Variants in BAIAP2L1 observed in about 807,000 individuals in gnomAD.
BAIAP2L1 encodes the protein BAR/IMD domain containing adaptor protein 2 like 1, also known as BAR/IMD domain-containing adapter protein 2-like 1.
In BAIAP2L1, 35 loss-of-function variants were observed where a neutral mutation model predicts 66.3. That is an observed-to-expected ratio of 0.53 (90% CI 0.40 to 0.70). The LOEUF (loss-of-function observed/expected upper bound fraction) is 0.70. Among genes scored for constraint, BAIAP2L1 ranks in the 30% least tolerant of loss-of-function variants. The probability of loss-of-function intolerance (pLI) is 0.00; values close to 1 mark genes in which losing one functional copy is unlikely to be tolerated. For missense variants in BAIAP2L1, 622 were observed against 656.9 expected (o/e 0.95, Z 0.58); for synonymous variants, 269 against 248.7 (o/e 1.08, Z -0.77).
chr7:98,342,800 T>C (rs1464218479), intron 3 of BAIAP2L1, among the ~76,000 whole-genome samples: 1 of 152,154 alleles, frequency 6.6e-6, no homozygotes, highest in Admixed American at 6.6e-5. Flanking sequence ...CCCCTTACCA[T>C]TTCTGTTTTC....
chr7:98,393,123 G>GTA lies in BAIAP2L1; in HGVS notation c.51+7677_51+7678dup, dbSNP rs202175511. 9.6e-4 allele frequency among the ~76,000 whole-genome samples: 74 copies of GTA among 77,442 alleles called. 5 individuals carry two copies. The highest frequency in any genetic ancestry group is 4.9e-3 in the East Asian group (19 of 3,906). The allele number at this position is 77,442 out of a possible 152,430, so 50.8% of individuals were successfully genotyped here. ...CGTGTACATATATGTACACATATAT[G>GTA]TATATATACACACATATGTGTACAT... On this transcript the variant is annotated intron_variant, in intron 1 of 13. Coordinates refer to ENST00000005260, the MANE Select transcript of BAIAP2L1 (RefSeq NM_018842.5).
At chr7:98,310,295 C>T (rs936503367) in intron 9 of BAIAP2L1, 150 bp downstream of exon 9, 10 of 749,606 alleles carry the variant, frequency 1.3e-5, no homozygotes, top group South Asian at 2.0e-5. Context: ...TCTGAACTCA[C>T]GCTCTGCAAA....
chr7:98,354,514 C>G (rs147358794), intron 3 of BAIAP2L1, among the ~76,000 whole-genome samples: 1 of 152,274 alleles, frequency 6.6e-6, no homozygotes, highest in East Asian at 1.9e-4. Flanking sequence ...GTTCTATAAA[C>G]AGAAGCCCAG....
At chr7:98,368,805 A>T (rs13309825) in intron 1 of BAIAP2L1, among the ~76,000 whole-genome samples, 41 of 147,836 alleles carry the variant, frequency 2.8e-4, no homozygotes, top group Middle Eastern at 3.5e-3. Flanking sequence ...ATCACTTTTT[A>T]TTTTTTTTTT....
Position 98,292,869 on chromosome 7 carries a change from T to C in BAIAP2L1, c.*652A>G. 5 of 1,445,310 alleles carry C rather than the reference T, an allele frequency of 3.5e-6. No individual in the cohort carries two copies. The highest frequency in any genetic ancestry group is 2.7e-5 in the Admixed American group (1 of 36,762). The allele number at this position is 1,445,310 out of a possible 1,614,324, so 89.5% of individuals were successfully genotyped here. Reference sequence around the variant, plus strand: ...ACTCCTAACTACCAAGAAAAGGAGCTCTCGGAGGAGATTTCGTCGAGTGCT... The same window carrying C: ...ACTCCTAACTACCAAGAAAAGGAGCCCTCGGAGGAGATTTCGTCGAGTGCT... On this transcript the variant is annotated 3_prime_UTR_variant, in exon 14 of 14. Transcript: ENST00000005260.
intron 3 of BAIAP2L1, among the ~76,000 whole-genome samples, chr7:98,336,581 A>C (rs1383370692): frequency 6.6e-6 from 1 of 152,176 alleles, no homozygotes; most frequent in Non-Finnish European, 1.5e-5. Flanking sequence ...GCACCACTGC[A>C]CTCCAGCCTG....
At chr7:98,368,801 TTTTA>T (rs1432652349) in intron 1 of BAIAP2L1, among the ~76,000 whole-genome samples, 1 of 148,658 alleles carries the variant, frequency 6.7e-6, no homozygotes, top group Non-Finnish European at 1.5e-5. Flanking sequence ...GTTTATCACT[TTTTA>T]TTTTTTTTTT....
rs140375412 is a variant in BAIAP2L1 at position 98,304,273 on chromosome 7, C to T, written c.1345G>A (p.Ala449Thr). 36 of 1,613,648 alleles carry T rather than the reference C, an allele frequency of 2.2e-5. No individual in the cohort carries two copies. The highest frequency in any genetic ancestry group is 1.7e-4 in the Middle Eastern group (1 of 6,060). The stretch of plus-strand genomic sequence containing the variant: ...CTGGCCGAATCTGCTCTCCTGTCGG[C>T]AGCTGCCCCCATGGACAAGCATTCC... ...YLECLSMGAA[A>T]DRRADSARTT... Residue 449 changes from alanine to threonine, a missense_variant, in exon 12 of 14, where the codon GCC (alanine) becomes ACC (threonine). Coordinates refer to ENST00000005260, the MANE Select transcript of BAIAP2L1 (RefSeq NM_018842.5).
chr7:98,303,883 G>T (rs553867587), intron 12 of BAIAP2L1, among the ~76,000 whole-genome samples: 1 of 152,244 alleles, frequency 6.6e-6, no homozygotes, highest in Non-Finnish European at 1.5e-5. Context: ...TCAATGGCTA[G>T]AAGACTGCAG....
At chr7:98,320,359 G>C (rs1298479606) in intron 3 of BAIAP2L1, 61 bp from the exon 4 acceptor site, 14 of 1,332,176 alleles carry the variant, frequency 1.1e-5, no homozygotes, top group African/African-American at 5.9e-5. Context: ...TTTTGAAATG[G>C]AGTTTTTGCT....
chr7:98,305,713 G>A (rs1413530485), intron 11 of BAIAP2L1, among the ~76,000 whole-genome samples: 4 of 152,138 alleles, frequency 2.6e-5, no homozygotes, highest in Non-Finnish European at 5.9e-5. Context: ...ACAAGCCACC[G>A]TGCCCGGCCA....
intron 1 of BAIAP2L1, among the ~76,000 whole-genome samples, chr7:98,364,359 CA>C (rs1802342308): frequency 6.6e-6 from 1 of 151,890 alleles, no homozygotes. Flanking sequence ...TGTTATTTTT[CA>C]AATGTACAAA....
rs1799986435 is a variant in BAIAP2L1, at chr7:98,292,165, T to C, written c.*1356A>G. 6.4e-6 allele frequency: 1 copy of C among 157,260 alleles called. No individual in the cohort carries two copies. The highest frequency in any genetic ancestry group is 1.4e-5 in the Non-Finnish European group (1 of 71,158). The allele number at this position is 157,260 out of a possible 1,614,324, so 9.7% of individuals were successfully genotyped here. On this transcript the variant is annotated 3_prime_UTR_variant, in exon 14 of 14. Transcript: ENST00000005260. ...CCACTGGCTTACCTGCATGTAACCT[T>C]TCCCAATCTCAGCCTCATAGGATAC...
At chr7:98,354,935 G>T in intron 3 of BAIAP2L1, 107 bp downstream of exon 3, 1 of 814,152 alleles carries the variant, frequency 1.2e-6, no homozygotes, top group Non-Finnish European at 2.1e-6. Flanking sequence ...ACCACAGCAT[G>T]CTGGCCCAGA....
intron 3 of BAIAP2L1, among the ~76,000 whole-genome samples, chr7:98,354,731 C>T (rs890228035): frequency 5.9e-5 from 9 of 152,168 alleles, no homozygotes; most frequent in Admixed American, 2.0e-4. Flanking sequence ...CCCAGGAGGC[C>T]CGGCTCGCCC....
intron 3 of BAIAP2L1, among the ~76,000 whole-genome samples, chr7:98,333,850 G>A (rs1801554468): frequency 1.3e-5 from 2 of 149,992 alleles, no homozygotes; most frequent in Admixed American, 6.8e-5. Flanking sequence ...GCTCCACGAT[G>A]GTGCCAAGGC....
intron 12 of BAIAP2L1, among the ~76,000 whole-genome samples, chr7:98,298,863 G>A (rs960643257): frequency 6.6e-6 from 1 of 152,016 alleles, no homozygotes; most frequent in East Asian, 2.0e-4. Flanking sequence ...TTGTTTTTGA[G>A]ACAGGTCTTG....
intron 11 of BAIAP2L1, among the ~76,000 whole-genome samples, chr7:98,304,960 G>A (rs1800585666): frequency 6.7e-6 from 1 of 150,324 alleles, no homozygotes; most frequent in African/African-American, 2.4e-5. Flanking sequence ...CCGCCTCCCT[G>A]GTTCAAGTGA....
intron 12 of BAIAP2L1, among the ~76,000 whole-genome samples, 187 bp from the exon 13 acceptor site, chr7:98,294,298 T>C (rs1376253341): frequency 6.6e-6 from 1 of 152,180 alleles, no homozygotes; most frequent in Non-Finnish European, 1.5e-5. Flanking sequence ...TGGCCTGTAT[T>C]GGAGATTTTT....
Sources: allele counts gnomAD v4.1 joint callset (sites outside exome capture counted in the v4.1 genomes callset), GRCh38; gene constraint gnomAD v4.1.1; transcripts MANE v1.5; gene names NCBI Gene and HGNC (gene_info 2026-07-23, HGNC 2026-07-21).